EYS: variants seen among roughly 807,000 people sequenced by gnomAD.
The protein encoded by EYS is EGF-like photoreceptor maintenance factor, also known as protein eyes shut homolog.
In EYS, 250 loss-of-function variants were observed where a neutral mutation model predicts 282.1. The ratio of observed to expected loss-of-function variants is 0.89; its 90% CI spans 0.80 to 0.98. EYS has a LOEUF of 0.98. EYS is among the 50% of genes least tolerant of loss of function. EYS has a pLI of 0.00. For synonymous variants in EYS, 1,355 were observed against 1,282.9 expected (o/e 1.06, Z -1.20); for missense variants, 4,016 against 3,709.0 (o/e 1.08, Z -2.15).
intron 5 of EYS, among the ~76,000 whole-genome samples, chr6:65,471,186 AC>A (rs769862625): frequency 1.5e-4 from 23 of 150,848 alleles, no homozygotes; most frequent in Non-Finnish European, 3.1e-4. Flanking sequence ...TAGAATGTTT[AC>A]AAAAGCACCA....
intron 33 of EYS, among the ~76,000 whole-genome samples, chr6:64,035,294 T>C (rs1485395761): frequency 6.6e-6 from 1 of 152,240 alleles, no homozygotes; most frequent in African/African-American, 2.4e-5. Flanking sequence ...TATGACAGTA[T>C]TAGAATAATT....
Position 63,721,322 on chromosome 6 carries a change from T to C in EYS, c.8709A>G (p.Pro2903=). 6.4e-7 allele frequency: 1 copy of C among 1,552,026 alleles called. No individual in the cohort carries two copies. Among genetic ancestry groups the C allele is most frequent in the Non-Finnish European group, 8.7e-7 (1 of 1,147,008 alleles). Residue 2903 remains proline, a synonymous_variant, in exon 43 of 43, where the codon CCA becomes CCG. Coordinates refer to ENST00000503581, the MANE Select transcript of EYS (RefSeq NM_001142800.2). Reference sequence around the variant, plus strand: ...GGTTACATGTATTTCCAGCCCAATCTGGCAAACATCTGCAAGAAAAAGTTG... The same window carrying C: ...GGTTACATGTATTTCCAGCCCAATCCGGCAAACATCTGCAAGAAAAAGTTG... ...NGTTFSCRCL[P]DWAGNTCNQS...
At chr6:64,748,947 AT>A (rs1772653040) in intron 22 of EYS, among the ~76,000 whole-genome samples, 1 of 151,974 alleles carries the variant, frequency 6.6e-6, no homozygotes, top group Admixed American at 6.6e-5. Flanking sequence ...TAATTTTTGT[AT>A]TTTTAGTAGA....
intron 5 of EYS, among the ~76,000 whole-genome samples, chr6:65,455,864 T>C (rs1015435688): frequency 1.3e-5 from 2 of 151,798 alleles, no homozygotes; most frequent in Admixed American, 1.3e-4. Context: ...CTATTCCAAA[T>C]AATTGAACAG....
At chr6:64,892,134 TG>T (rs993322037) in intron 18 of EYS, among the ~76,000 whole-genome samples, 2 of 151,832 alleles carry the variant, frequency 1.3e-5, no homozygotes, top group African/African-American at 4.8e-5. Context: ...TATAAAAAGA[TG>T]GAAAAATACA....
chr6:64,519,076 C>T (rs1195210777), intron 26 of EYS, among the ~76,000 whole-genome samples: 1 of 151,708 alleles, frequency 6.6e-6, no homozygotes, highest in Non-Finnish European at 1.5e-5. Flanking sequence ...ATCCTGAATG[C>T]AGAGCCTCCA....
intron 7 of EYS, among the ~76,000 whole-genome samples, chr6:65,389,337 G>T (rs1015132205): frequency 6.6e-6 from 1 of 152,120 alleles, no homozygotes; most frequent in Non-Finnish European, 1.5e-5. Context: ...CTGGACTCAT[G>T]CATGGATAGG....
chr6:65,589,352 C>T (rs1003707157), intron 2 of EYS, among the ~76,000 whole-genome samples: 2 of 152,006 alleles, frequency 1.3e-5, no homozygotes, highest in Non-Finnish European at 1.5e-5. Flanking sequence ...TCTTCTTCAG[C>T]CTGTTTCGTC....
At chr6:64,624,696 G>A (rs565461041) in intron 23 of EYS, among the ~76,000 whole-genome samples, 2 of 152,206 alleles carry the variant, frequency 1.3e-5, no homozygotes, top group South Asian at 4.1e-4. Context: ...AATAGTATGT[G>A]GGTGACACTC....
chr6:64,997,668 A>T lies in EYS; in HGVS notation c.2173T>A (p.Tyr725Asn). 1.3e-6 allele frequency: 2 copies of T among 1,551,164 alleles called. No individual in the cohort carries two copies. Among genetic ancestry groups the T allele is most frequent in the Non-Finnish European group, 1.7e-6 (2 of 1,146,590 alleles). Residue 725 changes from tyrosine to asparagine, a missense_variant, in exon 14 of 43, where the codon TAT (tyrosine) becomes AAT (asparagine). Tyr to Asn is a moderately radical substitution (Grantham distance 143). Transcript: ENST00000503581. ...TCCTGTTCACATCTTATCCCAACAT[A>T]GCCTGGATTGCATAAGCAGGAAAAG... ...DGFSCLCNPG[Y>N]VGIRCEQDID...
chr6:64,507,172 G>C (rs892129910), intron 26 of EYS, among the ~76,000 whole-genome samples: 1 of 151,794 alleles, frequency 6.6e-6, no homozygotes, highest in Admixed American at 6.6e-5. Flanking sequence ...TTTTTTAATA[G>C]TAGAAATAAT....
intron 1 of EYS, among the ~76,000 whole-genome samples, chr6:65,653,381 T>A (rs1451263667): frequency 1.3e-5 from 2 of 151,974 alleles, no homozygotes; most frequent in South Asian, 4.1e-4. Flanking sequence ...TCTAGAGATA[T>A]AAAGTAACAA....
chr6:64,958,939 C>A (rs1468480281), intron 14 of EYS, among the ~76,000 whole-genome samples: 1 of 151,994 alleles, frequency 6.6e-6, no homozygotes, highest in East Asian at 1.9e-4. Flanking sequence ...TATCCCAGGA[C>A]CTTAACAATT....
chr6:65,531,352 T>C (rs576751608), intron 2 of EYS, among the ~76,000 whole-genome samples: 12 of 152,328 alleles, frequency 7.9e-5, no homozygotes, highest in Non-Finnish European at 2.9e-5. Context: ...GCTTCATAAA[T>C]GTTTTTCAAT....
intron 12 of EYS, among the ~76,000 whole-genome samples, chr6:65,246,060 T>C (rs778704936): frequency 6.6e-6 from 1 of 152,078 alleles, no homozygotes; most frequent in African/African-American, 2.4e-5. Flanking sequence ...AAATGCAAAA[T>C]AGCAATGTGA....
rs796343362 is a variant in EYS, at chr6:64,103,782, T to C, written c.6425-21780A>G. Among the ~76,000 whole-genome samples the C allele has an allele frequency of 9.2e-5, 14 of 152,224 alleles. 1 individual carries two copies. The highest frequency in any genetic ancestry group is 3.4e-4 in the African/African-American group (14 of 41,552). On this transcript the variant is annotated intron_variant, in intron 31 of 42. Transcript: ENST00000503581. ...AATTAGGAAGAGCAAGAAGTGTTTT[T>C]AAAAAAGCTTTAACAATAGTACAGG...
intron 26 of EYS, among the ~76,000 whole-genome samples, chr6:64,549,805 A>G (rs1255072544): frequency 1.3e-5 from 2 of 148,254 alleles, no homozygotes; most frequent in Admixed American, 1.4e-4. Context: ...TTACATATGT[A>G]TACATGTGCC....
chr6:65,482,844 T>A (rs746193974), intron 5 of EYS, among the ~76,000 whole-genome samples: 1 of 152,330 alleles, frequency 6.6e-6, no homozygotes, highest in Non-Finnish European at 1.5e-5. Flanking sequence ...ATCTTGAAAC[T>A]AAATGTTTAT....
chr6:64,942,657 G>GA (rs1293506419), intron 15 of EYS, among the ~76,000 whole-genome samples: 1 of 151,468 alleles, frequency 6.6e-6, no homozygotes, highest in Non-Finnish European at 1.5e-5. Context: ...CACCTCTCAA[G>GA]ATTGAATGAG....
Sources: allele counts gnomAD v4.1 joint callset (sites outside exome capture counted in the v4.1 genomes callset), GRCh38; gene constraint gnomAD v4.1.1; transcripts MANE v1.5; gene names NCBI Gene and HGNC (gene_info 2026-07-23, HGNC 2026-07-21).